Variants in NRL observed in about 807,000 individuals in gnomAD.
NRL encodes neural retina leucine zipper.
NRL carries 16 observed loss-of-function variants against 12.5 expected under a neutral mutation model. That is an observed-to-expected ratio of 1.28 (90% CI 0.87 to 1.95). The LOEUF (loss-of-function observed/expected upper bound fraction) is 1.95, where lower values mean the gene tolerates loss of function less well. Among genes scored for constraint, NRL ranks in the 30% most tolerant of loss-of-function variants. The pLI is 0.00. For missense variants in NRL, 314 were observed against 325.8 expected (o/e 0.96, Z 0.28); for synonymous variants, 142 against 150.9 (o/e 0.94, Z 0.43).
chr14:24,090,347 C>G (rs552749365), intron 1 of NRL, among the ~76,000 whole-genome samples: 3 of 150,020 alleles, frequency 2.0e-5, no homozygotes, highest in African/African-American at 7.4e-5. Context: ...AATGGCACTG[C>G]AGTTGTAATC....
intron 1 of NRL, chr14:24,102,675 A>T (rs1472326556): frequency 7.9e-7 from 1 of 1,262,578 alleles, no homozygotes; most frequent in Non-Finnish European, 1.1e-6. Flanking sequence ...GAACCCTGCA[A>T]GAATGTGTGC....
At chr14:24,098,681 A>G in intron 1 of NRL, 1 of 1,612,642 alleles carries the variant, frequency 6.2e-7, no homozygotes, top group East Asian at 2.2e-5. Context: ...AGGACAAGGT[A>G]AGCACCTGCT....
chr14:24,097,606 G>A (rs1283749146), intron 1 of NRL, among the ~76,000 whole-genome samples: 1 of 116,588 alleles, frequency 8.6e-6, no homozygotes, highest in African/African-American at 3.2e-5. Context: ...TTTTTTTTTT[G>A]AGATGGAGTC....
chr14:24,102,872 G>A, intron 1 of NRL: 1 of 1,613,890 alleles, frequency 6.2e-7, no homozygotes, highest in Non-Finnish European at 8.5e-7. Context: ...CATCATCTTT[G>A]GTGGCCGCAG....
chr14:24,082,925 C>T, intron 1 of NRL, 50 bp from the exon 2 acceptor site: 1 of 1,520,558 alleles, frequency 6.6e-7, no homozygotes, highest in South Asian at 1.3e-5. Context: ...CCTGCCATCC[C>T]CTCTTCACCA....
chr14:24,099,122 C>A (rs1461399420), intron 1 of NRL: 2 of 1,612,422 alleles, frequency 1.2e-6, no homozygotes, highest in East Asian at 2.2e-5. Context: ...AGCGGGAGAT[C>A]ATCTCCTTCG....
Position 24,097,059 on chromosome 14 carries a change from C to G in NRL, c.-27-14184G>C, listed in dbSNP as rs200792430. On this transcript the variant is annotated intron_variant, in intron 1 of 2. Transcript: ENST00000561028. ...GAGGGCATCCACATCTGTGATGGAA[C>G]TGAGGCTGAGAATACTGCCACACTG... 605 of 1,613,390 alleles carry G rather than the reference C, an allele frequency of 3.7e-4. 2 individuals are homozygous for G. The highest frequency in any genetic ancestry group is 5.0e-4 in the Non-Finnish European group (589 of 1,179,624).
chr14:24,093,692 G>T (rs937309842), intron 1 of NRL, among the ~76,000 whole-genome samples: 2 of 152,146 alleles, frequency 1.3e-5, no homozygotes, highest in Admixed American at 6.5e-5. Context: ...GGGGAAGAGG[G>T]GATGTGCCGG....
chr14:24,099,880 CTCA>C, intron 1 of NRL: 1 of 1,589,152 alleles, frequency 6.3e-7, no homozygotes, highest in Non-Finnish European at 8.6e-7. Flanking sequence ...ACAGCCTTTC[CTCA>C]TCAGATCTTG....
chr14:24,100,606 T>C, intron 1 of NRL: 1 of 1,060,054 alleles, frequency 9.4e-7, no homozygotes, highest in East Asian at 7.0e-5. Flanking sequence ...GGAAGGACTT[T>C]TGAACATTCT....
chr14:24,109,427 G>A (rs1005513245), intron 1 of NRL, among the ~76,000 whole-genome samples: 10 of 152,222 alleles, frequency 6.6e-5, no homozygotes, highest in African/African-American at 2.4e-4. Context: ...CAGGCGTGGT[G>A]GCTCACACCT....
At chr14:24,096,286 T>C (rs1357184574) in intron 1 of NRL, among the ~76,000 whole-genome samples, 3 of 124,932 alleles carry the variant, frequency 2.4e-5, no homozygotes, top group Non-Finnish European at 3.2e-5. Context: ...TCGCCCAGGT[T>C]GGAGTGCAGT....
Position 24,114,860 on chromosome 14 carries a change from C to T in NRL, c.-166G>A. The T allele has an allele frequency of 3.0e-6, 3 of 985,942 alleles. No individual in the cohort carries two copies. The highest frequency in any genetic ancestry group is 3.6e-6 in the Non-Finnish European group (3 of 829,958). The allele number at this position is 985,942 out of a possible 1,614,324, so 61.1% of individuals were successfully genotyped here. On this transcript the variant is annotated 5_prime_UTR_variant, in exon 1 of 3. Coordinates refer to ENST00000561028, the MANE Select transcript of NRL (RefSeq NM_001354768.3). ...GTGACGGAGGAGCGGTTGGCCAACG[C>T]AGTGGCGGCAGTCGGTGTAAACAAG...
chr14:24,114,913 C>T lies in NRL; in HGVS notation c.-219G>A. Reference sequence around the variant, plus strand: ...CTCGCGCCGCTGCGGGTCCTGCGACCGCTCCTGGCTGGTGGGTGGTCTCGC... The same window carrying T: ...CTCGCGCCGCTGCGGGTCCTGCGACTGCTCCTGGCTGGTGGGTGGTCTCGC... On this transcript the variant is annotated 5_prime_UTR_variant, in exon 1 of 3. Transcript: ENST00000561028. The T allele has an allele frequency of 1.0e-6, 1 of 985,984 alleles. No homozygotes were observed. 61.1% of individuals were successfully genotyped at this position (985,984 alleles called of 1,614,324 possible). A position where few individuals can be genotyped will look rare whatever the true frequency, so the allele number is the denominator to read the frequency against.
intron 1 of NRL, among the ~76,000 whole-genome samples, chr14:24,101,696 T>C (rs1254707087): frequency 2.6e-5 from 4 of 152,080 alleles, no homozygotes; most frequent in African/African-American, 9.7e-5. Flanking sequence ...GCCGAGGCAG[T>C]TGGATCACCT....
At chr14:24,103,499 T>G in intron 1 of NRL, 1 of 1,535,118 alleles carries the variant, frequency 6.5e-7, no homozygotes, top group East Asian at 2.3e-5. Context: ...CCCATCTTGC[T>G]TCCCCCCCAG....
chr14:24,101,140 C>G (rs2037145443), intron 1 of NRL, among the ~76,000 whole-genome samples: 1 of 152,196 alleles, frequency 6.6e-6, no homozygotes, highest in Non-Finnish European at 1.5e-5. Flanking sequence ...CCTTCCCACC[C>G]AACTGAGAAA....
Position 24,081,160 on chromosome 14 carries a change from A to C in NRL, c.*76T>G. On this transcript the variant is annotated 3_prime_UTR_variant, in exon 3 of 3. Coordinates refer to ENST00000561028, the MANE Select transcript of NRL (RefSeq NM_001354768.3). The surrounding 1 kb of genome is among the most constrained non-coding windows in gnomAD (Gnocchi z 4.4). Reference sequence around the variant, plus strand: ...CCAGAAGGCGCTCTGGTAACGATGCAGAGAACCGTGCAGCCGCCTCCTGGG... The same window carrying C: ...CCAGAAGGCGCTCTGGTAACGATGCCGAGAACCGTGCAGCCGCCTCCTGGG... The C allele has an allele frequency of 9.2e-7, 1 of 1,084,436 alleles. No individual in the cohort carries two copies. Among genetic ancestry groups the C allele is most frequent in the Middle Eastern group, 2.2e-4 (1 of 4,516 alleles). 67.2% of individuals were successfully genotyped at this position (1,084,436 alleles called of 1,614,324 possible).
chr14:24,107,074 ACT>A (rs1232649072), intron 1 of NRL, among the ~76,000 whole-genome samples: 1 of 152,138 alleles, frequency 6.6e-6, no homozygotes, highest in African/African-American at 2.4e-5. Context: ...CATATTGCTG[ACT>A]CTACAGTTTA....
Sources: allele counts gnomAD v4.1 joint callset (sites outside exome capture counted in the v4.1 genomes callset), GRCh38; gene constraint gnomAD v4.1.1; non-coding constraint Gnocchi (gnomAD v3.1); transcripts MANE v1.5; gene names NCBI Gene and HGNC (gene_info 2026-07-23, HGNC 2026-07-21).